The following TRIM36 variants were observed in gnomAD, a reference collection of about 807,000 sequenced individuals.
TRIM36 encodes the protein tripartite motif containing 36.
TRIM36 carries 42 observed loss-of-function variants against 72.4 expected under a neutral mutation model. That is an observed-to-expected ratio of 0.58 (90% CI 0.45 to 0.75). The LOEUF is 0.75. Ranked by LOEUF, TRIM36 falls within the 30% of genes least tolerant of loss-of-function variation. TRIM36 has a pLI of 0.00. For missense variants in TRIM36, 913 were observed against 857.1 expected, an observed-to-expected ratio of 1.07 and a Z score of -0.81; for synonymous variants, 315 against 282.8, an observed-to-expected ratio of 1.11 and a Z score of -1.14.
chr5:115,170,012 G>C, upstream of TRIM36: 2 of 1,065,130 alleles, frequency 1.9e-6, no homozygotes, highest in Non-Finnish European at 2.3e-6. Flanking sequence ...GCACAAAAGA[G>C]GCGGGGCCGC....
chr5:115,152,638 G>A (rs531960484), intron 2 of TRIM36, among the ~76,000 whole-genome samples: 1 of 152,090 alleles, frequency 6.6e-6, no homozygotes, highest in Non-Finnish European at 1.5e-5. Flanking sequence ...GGTAACCTAG[G>A]GAAAACCTAT....
At chr5:115,149,568 T>A (rs1485677215) in intron 2 of TRIM36, 1 of 25,784 alleles carries the variant, frequency 3.9e-5, no homozygotes, top group African/African-American at 3.7e-4. Context: ...CTCAGAAATT[T>A]GAAAAAAAAA....
At chr5:115,139,269 C>T (rs368999964) in intron 5 of TRIM36, among the ~76,000 whole-genome samples, 144 of 152,104 alleles carry the variant, frequency 9.5e-4, no homozygotes, top group African/African-American at 3.2e-3. Flanking sequence ...TACAGGTGTG[C>T]ACCACCAGGC....
Position 115,126,289 on chromosome 5 carries a change from T to A in TRIM36, c.*214A>T. ...CAAAGTTAACCACTTCAGTATTAAC[T>A]TGGAAAGAACATCTTCACTTTCATC... On this transcript the variant is annotated 3_prime_UTR_variant, in exon 10 of 10. Transcript: ENST00000513154. 1 of 523,982 alleles carries A rather than the reference T, an allele frequency of 1.9e-6. No homozygotes were observed. The highest frequency in any genetic ancestry group is 3.4e-6 in the Non-Finnish European group (1 of 297,384). 32.5% of individuals were successfully genotyped at this position (523,982 alleles called of 1,614,324 possible).
intron 1 of TRIM36, among the ~76,000 whole-genome samples, chr5:115,165,475 C>A (rs935548301): frequency 5.3e-5 from 8 of 152,204 alleles, no homozygotes; most frequent in African/African-American, 1.9e-4. Flanking sequence ...GTGTAAGCCA[C>A]CAAGGCTTGC....
chr5:115,143,122 AC>A (rs1753364555), intron 4 of TRIM36, among the ~76,000 whole-genome samples: 1 of 151,652 alleles, frequency 6.6e-6, no homozygotes, highest in Non-Finnish European at 1.5e-5. Context: ...GTGTGAGGAA[AC>A]TGTCCAAGCC....
chr5:115,130,229 C>A (rs1580636278), intron 9 of TRIM36, among the ~76,000 whole-genome samples: 1 of 152,122 alleles, frequency 6.6e-6, no homozygotes. Flanking sequence ...GAAACTGTGT[C>A]CCATAAGAAA....
chr5:115,146,014 C>T (rs1285156072), intron 3 of TRIM36, among the ~76,000 whole-genome samples: 2 of 152,154 alleles, frequency 1.3e-5, no homozygotes, highest in South Asian at 4.1e-4. Context: ...TCAGTATAAC[C>T]TATCCATGTT....
chr5:115,176,246 T>C (rs145153889), intron 1 of TRIM36, among the ~76,000 whole-genome samples: 1 of 152,348 alleles, frequency 6.6e-6, no homozygotes, highest in Non-Finnish European at 1.5e-5. Context: ...AAAGAGATCA[T>C]TTGGTGGTAT....
intron 2 of TRIM36, among the ~76,000 whole-genome samples, chr5:115,151,422 C>A (rs1039335125): frequency 1.3e-5 from 2 of 152,000 alleles, no homozygotes; most frequent in Non-Finnish European, 2.9e-5. Flanking sequence ...GCCCTGCCCC[C>A]ACCCAGGGGT....
At chr5:115,129,145 G>A (rs1752517833) in intron 9 of TRIM36, among the ~76,000 whole-genome samples, 1 of 152,176 alleles carries the variant, frequency 6.6e-6, no homozygotes, top group Non-Finnish European at 1.5e-5. Context: ...TACCCTAAGG[G>A]TGTAGGAGAC....
chr5:115,167,611 C>T (rs1359346332), intron 1 of TRIM36, among the ~76,000 whole-genome samples: 1 of 152,224 alleles, frequency 6.6e-6, no homozygotes, highest in African/African-American at 2.4e-5. Context: ...CTGAGACCAC[C>T]TTGGCCTGCA....
chr5:115,163,726 C>T lies in TRIM36; in HGVS notation c.54G>A (p.Glu18=), dbSNP rs1313537328. The change falls in exon 2 of 10, where the codon GAG becomes GAA. Residue 18 remains glutamate, a synonymous_variant. Transcript: ENST00000513154. ...GCTCCTTGCATGCTGGGCAAATGAG[C>T]TCCCTTTCGATATTCTTAATGGTAA... ...SPVTIKNIER[E]LICPACKELF... 5 of 1,614,022 alleles carry T rather than the reference C, an allele frequency of 3.1e-6. No individual in the cohort carries two copies. The African/African-American group carries it at 6.7e-5, about 22-fold the overall frequency.
At chr5:115,127,553 CCT>C (rs1752423655) in intron 9 of TRIM36, among the ~76,000 whole-genome samples, 1 of 152,124 alleles carries the variant, frequency 6.6e-6, no homozygotes, top group African/African-American at 2.4e-5. Context: ...AGAGCGAGAC[CCT>C]GTCTTAAATA....
chr5:115,128,758 C>CAAAAAAAAAAAAAAA (rs58384978), intron 9 of TRIM36, among the ~76,000 whole-genome samples: 68 of 47,012 alleles, frequency 1.4e-3, no homozygotes, highest in Non-Finnish European at 2.3e-3. Context: ...GACTCCGTCT[C>CAAAAAAAAAAAAAAA]AAAAAAAAAA....
At chr5:115,158,861 C>A (rs1421264751) in intron 2 of TRIM36, among the ~76,000 whole-genome samples, 2 of 152,202 alleles carry the variant, frequency 1.3e-5, no homozygotes, top group East Asian at 3.9e-4. Context: ...AAGAATTACA[C>A]GTGGCTTCTA....
At chr5:115,143,555 GAACAATT>G (rs1753402432) in intron 4 of TRIM36, among the ~76,000 whole-genome samples, 1 of 151,564 alleles carries the variant, frequency 6.6e-6, no homozygotes, top group African/African-American at 2.4e-5. Context: ...TAGTAGGCAA[GAACAATT>G]ATACAATTAT....
At chr5:115,145,434 A>G (rs1006049408) in intron 3 of TRIM36, among the ~76,000 whole-genome samples, 2 of 152,248 alleles carry the variant, frequency 1.3e-5, no homozygotes, top group African/African-American at 4.8e-5. Flanking sequence ...TTAAGTTAGT[A>G]TGTTAATAAA....
At chr5:115,150,953 G>A (rs964367884) in intron 2 of TRIM36, among the ~76,000 whole-genome samples, 1 of 152,242 alleles carries the variant, frequency 6.6e-6, no homozygotes, top group Non-Finnish European at 1.5e-5. Context: ...ACGGCCAGAG[G>A]CTCTGGGAAA....
Sources: gnomAD v4.1 joint callset for allele counts (sites outside exome capture counted in the v4.1 genomes callset) on GRCh38, gnomAD v4.1.1 for gene constraint, MANE v1.5 for transcripts, NCBI Gene and HGNC (gene_info 2026-07-23, HGNC 2026-07-21) for gene names.